BRMS1L: variants seen among roughly 807,000 people sequenced by gnomAD.
The protein encoded by BRMS1L is breast cancer metastasis-suppressor 1-like protein.
Under a neutral mutation model 50.3 loss-of-function variants are expected in BRMS1L, and 23 were observed. The observed-to-expected ratio is 0.46, with a 90% CI of 0.33 to 0.65. BRMS1L has a LOEUF of 0.65. Ranked by LOEUF, BRMS1L falls within the 30% of genes least tolerant of loss-of-function variation. BRMS1L has a pLI of 0.02. For synonymous variants in BRMS1L, 114 were observed against 126.9 expected, an observed-to-expected ratio of 0.90 and a Z score of 0.69; for missense variants, 286 against 386.1, an observed-to-expected ratio of 0.74 and a Z score of 2.17.
intron 4 of BRMS1L, among the ~76,000 whole-genome samples, chr14:35,854,400 T>C (rs1291105051): frequency 6.6e-6 from 1 of 152,224 alleles, no homozygotes; most frequent in African/African-American, 2.4e-5. Context: ...TAAGAGCAAG[T>C]CTGCAGTCAT....
At chr14:35,854,275 A>G (rs1295505732) in intron 4 of BRMS1L, among the ~76,000 whole-genome samples, 1 of 152,182 alleles carries the variant, frequency 6.6e-6, no homozygotes, top group African/African-American at 2.4e-5. Context: ...TATTCATCTG[A>G]AAATAGCTTT....
chr14:35,831,553 G>C, intron 2 of BRMS1L, 53 bp downstream of exon 2: 2 of 1,319,080 alleles, frequency 1.5e-6, no homozygotes, highest in Non-Finnish European at 2.2e-6. Context: ...CTTGTCACTT[G>C]TATACTAGCA....
Position 35,839,210 on chromosome 14 carries a change from A to G in BRMS1L, c.441+4287A>G, listed in dbSNP as rs1169022. ...GTGTGGCATTATTTCTGAGGCCTCT[A>G]TTCTGTTCCATTGGCCTATATGTCT... On this transcript the variant is annotated intron_variant, in intron 4 of 9. Coordinates refer to ENST00000216807, the MANE Select transcript of BRMS1L (RefSeq NM_032352.4). Among the ~76,000 whole-genome samples the G allele has an allele frequency of 4.5e-3, 684 of 152,108 alleles. 1 individual carries two copies. Among genetic ancestry groups the G allele is most frequent in the African/African-American group, 0.015 (614 of 41,492 alleles).
rs540817014 is a variant in BRMS1L at position 35,855,271 on chromosome 14, T to C, written c.442-7319T>C. On this transcript the variant is annotated intron_variant, in intron 4 of 9. Transcript: ENST00000216807. ...GATATCCCTTATTTTCTTATTTTTT[T>C]GTAGAGATGGGGGTCTTGCTATGTT... Among the ~76,000 whole-genome samples, 72 of 152,334 alleles carry C rather than the reference T, an allele frequency of 4.7e-4. 1 individual carries two copies. Among genetic ancestry groups the C allele is most frequent in the African/African-American group, 1.6e-3 (66 of 41,594 alleles).
intron 4 of BRMS1L, among the ~76,000 whole-genome samples, chr14:35,847,732 G>A (rs1006858547): frequency 8.6e-5 from 13 of 152,004 alleles, no homozygotes; most frequent in East Asian, 1.9e-4. Flanking sequence ...TTCCCCCTCC[G>A]CCACACCTGG....
chr14:35,830,941 AT>A (rs762350767), intron 1 of BRMS1L, among the ~76,000 whole-genome samples: 9,071 of 131,642 alleles, frequency 0.069, 562 homozygotes, highest in African/African-American at 0.17. Flanking sequence ...TCTATAGTGG[AT>A]TTTTTTTTTT....
In BRMS1L at chr14:35,826,689, C is replaced by T. The variant is rs771606859; in HGVS notation, c.142+31C>T. On this transcript the variant is annotated intron_variant, in intron 1 of 9. Coordinates refer to ENST00000216807, the MANE Select transcript of BRMS1L (RefSeq NM_032352.4). ...CGACCCACTGCTGGGACCCTGAGTC[C>T]CCGCGCCCAGCGCGCGACAGGCCGC... 7 of 1,603,706 alleles carry T rather than the reference C, an allele frequency of 4.4e-6. No homozygotes were observed. In the Admixed American group the frequency reaches 6.8e-5, roughly 16 times the overall value.
chr14:35,871,279 G>T lies in BRMS1L; in HGVS notation c.*802G>T, dbSNP rs947455759. On this transcript the variant is annotated 3_prime_UTR_variant, in exon 10 of 10. Transcript: ENST00000216807. ...TGACAGTATTGTGCTTGCTGTACAT[G>T]TCTGGTCTTTTGAAACAGATTTTAG... The T allele has an allele frequency of 2.0e-5, 3 of 152,608 alleles. No individual in the cohort carries two copies. Among genetic ancestry groups the T allele is most frequent in the African/African-American group, 7.2e-5 (3 of 41,438 alleles). The allele number at this position is 152,608 out of a possible 1,614,324, so 9.5% of individuals were successfully genotyped here. A position where few individuals can be genotyped will look rare whatever the true frequency, so the allele number is the denominator to read the frequency against.
intron 4 of BRMS1L, among the ~76,000 whole-genome samples, chr14:35,856,976 T>C (rs1594341233): frequency 6.6e-6 from 1 of 152,068 alleles, no homozygotes; most frequent in Non-Finnish European, 1.5e-5. Context: ...CACGGTGGCT[T>C]ATGCCTGTAA....
intron 4 of BRMS1L, among the ~76,000 whole-genome samples, chr14:35,839,370 G>A (rs919722000): frequency 4.6e-5 from 7 of 151,958 alleles, no homozygotes; most frequent in East Asian, 3.9e-4. Context: ...TTTTGGTTCC[G>A]TATGAAATTT....
At chr14:35,849,071 GT>G (rs1204493727) in intron 4 of BRMS1L, among the ~76,000 whole-genome samples, 15 of 151,994 alleles carry the variant, frequency 9.9e-5, no homozygotes, top group Non-Finnish European at 1.9e-4. Context: ...GCCCAGGCTG[GT>G]CTCAACTCCT....
At position 35,826,543 on chromosome 14, in the gene BRMS1L, G is replaced by A. The variant is rs747347326; in HGVS notation, c.27G>A (p.Lys9=). Residue 9 remains lysine (K), a synonymous_variant, in exon 1 of 10, where the codon AAG becomes AAA. Coordinates refer to ENST00000216807, the MANE Select transcript of BRMS1L (RefSeq NM_032352.4). ...TGCCAGTCCATTCCCGAGGGGATAAGAAGGAGACCAACCATCACGATGAGA... is the reference window on the plus strand; with the variant it reads ...TGCCAGTCCATTCCCGAGGGGATAAAAAGGAGACCAACCATCACGATGAGA... The part of the protein sequence containing the change: MPVHSRGD[K]KETNHHDEME... 14 of 1,599,496 alleles carry A rather than the reference G, an allele frequency of 8.8e-6. No individual in the cohort carries two copies. The African/African-American group carries it at 1.3e-4, about 15-fold the overall frequency.
intron 4 of BRMS1L, among the ~76,000 whole-genome samples, chr14:35,858,033 C>G (rs1399997293): frequency 5.3e-5 from 8 of 149,782 alleles, no homozygotes; most frequent in Admixed American, 2.0e-4. Flanking sequence ...AAAAAAAGCA[C>G]TGGACCTCTC....
At chr14:35,843,368 G>A (rs561211348) in intron 4 of BRMS1L, among the ~76,000 whole-genome samples, 157 of 152,262 alleles carry the variant, frequency 1.0e-3, no homozygotes, top group African/African-American at 3.8e-3. Flanking sequence ...GTTTCTCTGT[G>A]GAGGTCCTTT....
chr14:35,863,201 G>C (rs941626631), intron 5 of BRMS1L, among the ~76,000 whole-genome samples: 1 of 152,086 alleles, frequency 6.6e-6, no homozygotes, highest in African/African-American at 2.4e-5. Context: ...AAACCTTTTT[G>C]ACATCATACA....
At chr14:35,832,349 CAAA>C (rs869067604) in intron 2 of BRMS1L, among the ~76,000 whole-genome samples, 43 of 61,662 alleles carry the variant, frequency 7.0e-4, no homozygotes, top group African/African-American at 1.5e-3. Context: ...CTAAAAAATA[CAAA>C]AAAAAAAAAA....
chr14:35,835,646 C>G (rs987332976), intron 4 of BRMS1L, among the ~76,000 whole-genome samples: 4 of 152,090 alleles, frequency 2.6e-5, no homozygotes, highest in African/African-American at 9.7e-5. Flanking sequence ...AAGTCAAGAC[C>G]AGTCTGGGCA....
intron 4 of BRMS1L, among the ~76,000 whole-genome samples, chr14:35,836,017 A>T (rs2077987785): frequency 6.6e-6 from 1 of 152,256 alleles, no homozygotes; most frequent in East Asian, 1.9e-4. Context: ...GTAGTTAGGT[A>T]TAAAAATGAT....
chr14:35,834,446 A>C (rs577988490), intron 3 of BRMS1L, among the ~76,000 whole-genome samples: 1 of 152,164 alleles, frequency 6.6e-6, no homozygotes, highest in African/African-American at 2.4e-5. Flanking sequence ...GGGGTATAGT[A>C]TCTAGCTGTT....
Sources: allele counts gnomAD v4.1 joint callset (sites outside exome capture counted in the v4.1 genomes callset), GRCh38; gene constraint gnomAD v4.1.1; transcripts MANE v1.5; gene names NCBI Gene and HGNC (gene_info 2026-07-23, HGNC 2026-07-21).